CSMD1: variants seen among roughly 807,000 people sequenced by gnomAD.
The protein encoded by CSMD1 is CUB and sushi domain-containing protein 1.
CSMD1 carries 213 observed loss-of-function variants against 417.5 expected under a neutral mutation model. The observed-to-expected ratio is 0.51, with a 90% CI of 0.46 to 0.57. The LOEUF is 0.57. Among genes scored for constraint, CSMD1 ranks in the 20% least tolerant of loss-of-function variants. The probability of loss-of-function intolerance (pLI) is 0.00; values close to 1 mark genes in which losing one functional copy is unlikely to be tolerated. For missense variants in CSMD1, 6,923 were observed against 4,529.7 expected, an observed-to-expected ratio of 1.53 and a Z score of -15.17; for synonymous variants, 2,862 against 1,736.8, an observed-to-expected ratio of 1.65 and a Z score of -16.11.
chr8:4,983,630 C>T (rs529030981), intron 1 of CSMD1, among the ~76,000 whole-genome samples: 1 of 152,176 alleles, frequency 6.6e-6, no homozygotes, highest in Non-Finnish European at 1.5e-5. Flanking sequence ...TCAAGCGATT[C>T]TCCTGCCTCA....
chr8:4,086,941 G>C (rs1009116416), intron 3 of CSMD1, among the ~76,000 whole-genome samples: 3 of 152,200 alleles, frequency 2.0e-5, no homozygotes, highest in Non-Finnish European at 2.9e-5. Flanking sequence ...CTAACCAGCT[G>C]TGTGGTTTGG....
chr8:4,453,200 CACAG>C (rs1248638483), intron 2 of CSMD1, among the ~76,000 whole-genome samples: 2 of 117,372 alleles, frequency 1.7e-5, no homozygotes, highest in Non-Finnish European at 3.7e-5. Context: ...GACACACCCA[CACAG>C]ACACACACAG....
chr8:4,124,225 C>G (rs1176160784), intron 3 of CSMD1, among the ~76,000 whole-genome samples: 4 of 152,020 alleles, frequency 2.6e-5, no homozygotes, highest in African/African-American at 4.8e-5. Flanking sequence ...GGCTCCTGGG[C>G]AGGGGAGTGT....
chr8:3,331,598 G>A (rs1466861273), intron 23 of CSMD1, among the ~76,000 whole-genome samples: 1 of 152,152 alleles, frequency 6.6e-6, no homozygotes, highest in Non-Finnish European at 1.5e-5. Context: ...GGGCTACTTT[G>A]GAGATAAAAT....
intron 1 of CSMD1, among the ~76,000 whole-genome samples, chr8:4,658,947 T>C (rs1303595051): frequency 6.6e-6 from 1 of 152,140 alleles, no homozygotes. Flanking sequence ...GTTATGATTT[T>C]AGGATGTGAA....
At chr8:3,391,331 G>A (rs139899113) in intron 17 of CSMD1, among the ~76,000 whole-genome samples, 7 of 152,238 alleles carry the variant, frequency 4.6e-5, no homozygotes, top group African/African-American at 1.7e-4. Context: ...TGATTAACAA[G>A]ATACTTTTGA....
At chr8:3,988,555 C>T (rs1235521799) in intron 5 of CSMD1, among the ~76,000 whole-genome samples, 1 of 152,180 alleles carries the variant, frequency 6.6e-6, no homozygotes, top group African/African-American at 2.4e-5. Flanking sequence ...TCCAGAACTG[C>T]TAGATCACGG....
At chr8:4,727,276 G>A (rs1478209125) in intron 1 of CSMD1, among the ~76,000 whole-genome samples, 1 of 152,100 alleles carries the variant, frequency 6.6e-6, no homozygotes, top group African/African-American at 2.4e-5. Context: ...AATGTCTACC[G>A]GTGAAGTCTG....
chr8:3,231,167 C>A (rs912367743), intron 26 of CSMD1, among the ~76,000 whole-genome samples: 1 of 152,150 alleles, frequency 6.6e-6, no homozygotes, highest in Non-Finnish European at 1.5e-5. Context: ...GTTTCTATAA[C>A]TGCTGTGTAT....
At chr8:4,892,783 G>A (rs1056067180) in intron 1 of CSMD1, among the ~76,000 whole-genome samples, 1 of 152,058 alleles carries the variant, frequency 6.6e-6, no homozygotes, top group African/African-American at 2.4e-5. Flanking sequence ...TAATAATAGG[G>A]TATAAATCTA....
chr8:4,379,775 G>C (rs904076899), intron 3 of CSMD1, among the ~76,000 whole-genome samples: 7 of 152,144 alleles, frequency 4.6e-5, no homozygotes, highest in Non-Finnish European at 8.8e-5. Flanking sequence ...CCACACTTTA[G>C]GTCCAAGTCC....
intron 3 of CSMD1, among the ~76,000 whole-genome samples, chr8:4,289,164 G>A (rs1797222578): frequency 6.6e-6 from 1 of 152,140 alleles, no homozygotes; most frequent in African/African-American, 2.4e-5. Context: ...CTAAGACAGT[G>A]TATATTATAT....
intron 3 of CSMD1, among the ~76,000 whole-genome samples, chr8:4,404,684 T>A (rs1046533458): frequency 6.6e-6 from 1 of 152,024 alleles, no homozygotes; most frequent in African/African-American, 2.4e-5. Context: ...ATTAAACTTA[T>A]GTTTATAATA....
At chr8:3,187,119 G>A (rs575335019) in intron 36 of CSMD1, among the ~76,000 whole-genome samples, 10 of 152,178 alleles carry the variant, frequency 6.6e-5, no homozygotes, top group Non-Finnish European at 1.2e-4. Flanking sequence ...GGAAATGTGG[G>A]CAACTGTGAG....
At chr8:4,178,972 GA>G (rs1241878387) in intron 3 of CSMD1, among the ~76,000 whole-genome samples, 6 of 152,048 alleles carry the variant, frequency 3.9e-5, no homozygotes, top group African/African-American at 7.2e-5. Context: ...TGGGTAGGAA[GA>G]ATCAATATCG....
chr8:3,194,478 G>A (rs1796593769), intron 33 of CSMD1, among the ~76,000 whole-genome samples: 2 of 105,730 alleles, frequency 1.9e-5, no homozygotes, highest in African/African-American at 6.0e-5. Context: ...TCATTTTTGA[G>A]GTGGAAACTC....
intron 3 of CSMD1, among the ~76,000 whole-genome samples, chr8:4,043,492 G>C (rs190706269): frequency 9.6e-4 from 146 of 152,218 alleles, no homozygotes; most frequent in Admixed American, 2.4e-3. Context: ...TCAAAAAAAA[G>C]TATTTTAAAT....
chr8:3,624,594 C>T (rs1032036770), intron 7 of CSMD1, among the ~76,000 whole-genome samples: 7 of 152,110 alleles, frequency 4.6e-5, no homozygotes, highest in African/African-American at 9.7e-5. Context: ...AGAGAGGTGA[C>T]GTATGTTTTT....
At chr8:4,785,519 A>C (rs546743936) in intron 1 of CSMD1, among the ~76,000 whole-genome samples, 2 of 152,286 alleles carry the variant, frequency 1.3e-5, no homozygotes, top group South Asian at 4.1e-4. Context: ...CCTAGACAGC[A>C]CCAGAGAGCT....
Sources: gnomAD v4.1 joint callset for allele counts (sites outside exome capture counted in the v4.1 genomes callset) on GRCh38, gnomAD v4.1.1 for gene constraint, MANE v1.5 for transcripts, NCBI Gene and HGNC (gene_info 2026-07-23, HGNC 2026-07-21) for gene names.